The following MTHFD1L variants were observed in gnomAD, a reference collection of about 807,000 sequenced individuals.
The protein encoded by MTHFD1L is methylenetetrahydrofolate dehydrogenase (NADP+ dependent) 1 like.
A neutral mutation model predicts 119.5 loss-of-function variants in MTHFD1L; 81 were observed. That is an observed-to-expected ratio of 0.68 (90% CI 0.57 to 0.82). The LOEUF is 0.82. Ranked by LOEUF, MTHFD1L falls within the 40% of genes least tolerant of loss-of-function variation. The pLI is 0.00. For synonymous variants in MTHFD1L, 430 were observed against 475.2 expected, an observed-to-expected ratio of 0.90 and a Z score of 1.24; for missense variants, 1,125 against 1,253.4, an observed-to-expected ratio of 0.90 and a Z score of 1.55.
At chr6:151,000,122 G>A (rs112630924) in intron 20 of MTHFD1L, among the ~76,000 whole-genome samples, 3,451 of 152,188 alleles carry the variant, frequency 0.023, 122 homozygotes, top group African/African-American at 0.079. Flanking sequence ...GGTGGATCAC[G>A]AGGTCAAGAC....
At chr6:150,994,840 G>A (rs1161912846) in intron 20 of MTHFD1L, among the ~76,000 whole-genome samples, 1 of 152,182 alleles carries the variant, frequency 6.6e-6, no homozygotes, top group African/African-American at 2.4e-5. Context: ...TCGTTACATT[G>A]CAGATAAAGC....
Position 151,043,587 on chromosome 6 carries a change from G to A in MTHFD1L, c.2847+6470G>A, listed in dbSNP as rs925952887. Among the ~76,000 whole-genome samples, 8 of 152,208 alleles carry A rather than the reference G, an allele frequency of 5.3e-5. No individual in the cohort carries two copies. In the South Asian group the frequency reaches 6.2e-4, roughly 12 times the overall value. ...TAACAGTTGGCCTGGAGAGGTGTCC[G>A]ACCAAGTTGGAATTCATAGTAGAAT... On this transcript the variant is annotated intron_variant, in intron 26 of 27. Transcript: ENST00000367321.
rs1182922850 is a variant in MTHFD1L at position 150,926,061 on chromosome 6, C to T, written c.1083-61C>T. The T allele has an allele frequency of 5.4e-6, 8 of 1,478,980 alleles. No individual in the cohort carries two copies. Among genetic ancestry groups the T allele is most frequent in the Non-Finnish European group, 7.4e-6 (8 of 1,085,038 alleles). The allele number at this position is 1,478,980 out of a possible 1,614,324, so 91.6% of individuals were successfully genotyped here. A position where few individuals can be genotyped will look rare whatever the true frequency, so the allele number is the denominator to read the frequency against. On this transcript the variant is annotated intron_variant, in intron 10 of 27. Coordinates refer to ENST00000367321, the MANE Select transcript of MTHFD1L (RefSeq NM_015440.5). The surrounding 1 kb of genome is among the most constrained non-coding windows in gnomAD (Gnocchi z 4.3). ...GGCGTGATGTGTGGCTGTTTTCACT[C>T]CAGTTGTGACCACCTAAGCTGAGAA...
intron 20 of MTHFD1L, among the ~76,000 whole-genome samples, 167 bp downstream of exon 20, chr6:150,972,225 G>T (rs562812966): frequency 1.3e-5 from 2 of 152,082 alleles, no homozygotes; most frequent in Non-Finnish European, 2.9e-5. Context: ...GTCTATACTC[G>T]TGAAATTATG....
intron 20 of MTHFD1L, among the ~76,000 whole-genome samples, chr6:150,980,043 GC>G (rs1777220940): frequency 6.6e-6 from 1 of 151,374 alleles, no homozygotes; most frequent in Non-Finnish European, 1.5e-5. Flanking sequence ...CCCAGACCTT[GC>G]CCTGTTTACA....
chr6:150,892,484 A>G (rs1274089461), intron 7 of MTHFD1L, among the ~76,000 whole-genome samples: 1 of 152,156 alleles, frequency 6.6e-6, no homozygotes, highest in East Asian at 1.9e-4. Flanking sequence ...GATGTTGCAC[A>G]CACGTTTTTT....
At chr6:150,870,262 A>G (rs1474384425) in intron 1 of MTHFD1L, among the ~76,000 whole-genome samples, 25 of 152,258 alleles carry the variant, frequency 1.6e-4, no homozygotes, top group Admixed American at 1.4e-3. Flanking sequence ...ATCTCTGATT[A>G]GAAACATTTA....
chr6:150,886,746 T>C (rs1223370015), intron 6 of MTHFD1L, among the ~76,000 whole-genome samples: 2 of 151,650 alleles, frequency 1.3e-5, no homozygotes, highest in East Asian at 2.0e-4. Flanking sequence ...CCCAGCACTT[T>C]GTGGAGCCAA....
At chr6:151,022,150 C>T in intron 24 of MTHFD1L, 2 of 439,612 alleles carry the variant, frequency 4.5e-6, no homozygotes, top group South Asian at 3.3e-5. Context: ...CCCAGATGGC[C>T]AGGGGTGTTT....
intron 26 of MTHFD1L, among the ~76,000 whole-genome samples, chr6:151,090,995 T>C (rs79076840): frequency 8.1e-3 from 388 of 48,188 alleles, no homozygotes; most frequent in Middle Eastern, 0.021. Flanking sequence ...TGCAGCATCG[T>C]TCCATGCGAC....
Position 150,955,495 on chromosome 6 carries a change from G to GTT in MTHFD1L, c.1727-478_1727-477dup, listed in dbSNP as rs142879620. On this transcript the variant is annotated intron_variant, in intron 16 of 27. Coordinates refer to ENST00000367321, the MANE Select transcript of MTHFD1L (RefSeq NM_015440.5). Reference sequence around the variant, plus strand: ...GCCAAGAAGGGAAGTTGCTGGTTGGGTTTTTTTTTTTTTTTTTTTTTTTAG... The same window carrying GTT: ...GCCAAGAAGGGAAGTTGCTGGTTGGGTTTTTTTTTTTTTTTTTTTTTTTTTAG... Among the ~76,000 whole-genome samples, 307 of 117,092 alleles carry GTT rather than the reference G, an allele frequency of 2.6e-3. 2 individuals are homozygous for GTT. The highest frequency in any genetic ancestry group is 9.3e-3 in the African/African-American group (297 of 32,104). The allele number at this position is 117,092 out of a possible 152,430, so 76.8% of individuals were successfully genotyped here.
At chr6:150,941,042 A>G (rs1793010979) in intron 13 of MTHFD1L, among the ~76,000 whole-genome samples, 2 of 152,212 alleles carry the variant, frequency 1.3e-5, no homozygotes, top group Admixed American at 1.3e-4. Flanking sequence ...GGCACAGACA[A>G]TATGTACTGG....
chr6:150,934,320 G>A (rs923399991), intron 11 of MTHFD1L, among the ~76,000 whole-genome samples: 3 of 152,132 alleles, frequency 2.0e-5, no homozygotes, highest in Non-Finnish European at 4.4e-5. Context: ...TTAATTTGCC[G>A]GGTCTCACCT....
At chr6:151,074,227 G>A (rs954425479) in intron 26 of MTHFD1L, among the ~76,000 whole-genome samples, 2 of 152,146 alleles carry the variant, frequency 1.3e-5, no homozygotes, top group East Asian at 3.9e-4. Context: ...AGTACAAAAA[G>A]TGTTACAGAA....
At chr6:150,909,545 A>T (rs541577443) in intron 8 of MTHFD1L, among the ~76,000 whole-genome samples, 1 of 152,184 alleles carries the variant, frequency 6.6e-6, no homozygotes, top group Non-Finnish European at 1.5e-5. Flanking sequence ...TGTCTGGCCT[A>T]AAAAAATTAT....
chr6:151,080,506 C>G (rs954336560), intron 26 of MTHFD1L, among the ~76,000 whole-genome samples: 4 of 152,174 alleles, frequency 2.6e-5, no homozygotes, highest in African/African-American at 7.2e-5. Context: ...AAAGAGTGTT[C>G]TGTGTATAGA....
intron 9 of MTHFD1L, 151 bp downstream of exon 9, chr6:150,918,819 T>C: frequency 1.5e-6 from 1 of 662,156 alleles, no homozygotes; most frequent in Non-Finnish European, 2.6e-6. Context: ...AAATGGTGAT[T>C]TTGAAAAATG....
At position 150,936,775 on chromosome 6, in the gene MTHFD1L, T is replaced by A. The variant is rs750399748; in HGVS notation, c.1257-29T>A. On this transcript the variant is annotated intron_variant, in intron 11 of 27. Coordinates refer to ENST00000367321, the MANE Select transcript of MTHFD1L (RefSeq NM_015440.5). Reference sequence around the variant, plus strand: ...TGCATAGGTTGTCTGGGAAATATTATAAAATTCACTTTCTCCCCCCGAACT... The same window carrying A: ...TGCATAGGTTGTCTGGGAAATATTAAAAAATTCACTTTCTCCCCCCGAACT... The A allele has an allele frequency of 6.9e-6, 11 of 1,602,376 alleles. No homozygotes were observed. The South Asian group carries it at 1.2e-4, about 18-fold the overall frequency.
intron 26 of MTHFD1L, among the ~76,000 whole-genome samples, chr6:151,051,952 T>C (rs1789119399): frequency 1.3e-5 from 2 of 152,116 alleles, no homozygotes; most frequent in African/African-American, 2.4e-5. Context: ...TGGGGGCTCA[T>C]TGATAAGGAG....
Sources: gnomAD v4.1 joint callset for allele counts (sites outside exome capture counted in the v4.1 genomes callset) on GRCh38, gnomAD v4.1.1 for gene constraint, Gnocchi (gnomAD v3.1) non-coding constraint, MANE v1.5 for transcripts, NCBI Gene and HGNC (gene_info 2026-07-23, HGNC 2026-07-21) for gene names.